CAST: variants seen among roughly 807,000 people sequenced by gnomAD.
The protein encoded by CAST is MIR583 host.
CAST carries 76 observed loss-of-function variants against 119.6 expected under a neutral mutation model. That is an observed-to-expected ratio of 0.64 (90% CI 0.53 to 0.77). CAST has a LOEUF of 0.77. Ranked by LOEUF, CAST falls within the 30% of genes least tolerant of loss-of-function variation. CAST has a pLI of 0.00. For synonymous variants in CAST, 319 were observed against 331.6 expected, an observed-to-expected ratio of 0.96 and a Z score of 0.41; for missense variants, 953 against 946.5, an observed-to-expected ratio of 1.01 and a Z score of -0.09.
the CAST span, among the ~76,000 whole-genome samples, chr5:96,231,496 AG>A: frequency 6.6e-6 from 1 of 152,092 alleles, no homozygotes; most frequent in Admixed American, 6.6e-5. Flanking sequence ...AGAAAAGAAT[AG>A]AAAGTGATTT....
At chr5:96,103,786 A>G in the CAST span, among the ~76,000 whole-genome samples, 1 of 151,986 alleles carries the variant, frequency 6.6e-6, no homozygotes, top group Non-Finnish European at 1.5e-5. Context: ...ACTGACTTCC[A>G]CAATGGTTGA....
intron 2 of CAST, among the ~76,000 whole-genome samples, chr5:96,692,193 T>A (rs1752804822): frequency 6.6e-6 from 1 of 152,194 alleles, no homozygotes; most frequent in Non-Finnish European, 1.5e-5. Context: ...TCTAGTGAGC[T>A]AAGAGATCTG....
At chr5:96,561,096 G>T (rs554664689) in intron 1 of CAST, among the ~76,000 whole-genome samples, 1 of 149,914 alleles carries the variant, frequency 6.7e-6, no homozygotes, top group East Asian at 2.0e-4. Context: ...GCAAACTATC[G>T]CAAGGACAAA....
At chr5:96,281,302 C>T in the CAST span, among the ~76,000 whole-genome samples, 61 of 152,206 alleles carry the variant, frequency 4.0e-4, no homozygotes, top group Middle Eastern at 6.8e-3. Flanking sequence ...TGACTTTAGG[C>T]GTGACTAGAT....
the CAST span, among the ~76,000 whole-genome samples, chr5:96,478,629 C>A: frequency 0.17 from 25,522 of 152,182 alleles, 2,352 homozygotes; most frequent in African/African-American, 0.25. Flanking sequence ...TATACACAGT[C>A]TTTAAGAAAC....
At chr5:96,067,453 C>A in the CAST span, among the ~76,000 whole-genome samples, 1 of 152,134 alleles carries the variant, frequency 6.6e-6, no homozygotes, top group Non-Finnish European at 1.5e-5. Context: ...ACATTTGTGG[C>A]AGACTTTTAA....
At chr5:96,086,629 C>T in the CAST span, among the ~76,000 whole-genome samples, 4 of 151,926 alleles carry the variant, frequency 2.6e-5, no homozygotes, top group African/African-American at 9.7e-5. Context: ...CTGTCCAAAG[C>T]CCTAAAAAAT....
chr5:96,104,283 G>T, the CAST span, among the ~76,000 whole-genome samples: 1 of 152,090 alleles, frequency 6.6e-6, no homozygotes, highest in South Asian at 2.1e-4. Context: ...CATTGCTTTT[G>T]GTGTTTTAGA....
At chr5:96,212,053 T>C in the CAST span, among the ~76,000 whole-genome samples, 2 of 152,222 alleles carry the variant, frequency 1.3e-5, no homozygotes, top group East Asian at 1.9e-4. Context: ...GTTTTGTCAA[T>C]GTAATTGATC....
At chr5:95,974,374 G>A in the CAST span, among the ~76,000 whole-genome samples, 1 of 152,114 alleles carries the variant, frequency 6.6e-6, no homozygotes. Context: ...TACTTTAACA[G>A]GTACGCTCCA....
At chr5:96,086,947 T>C in the CAST span, among the ~76,000 whole-genome samples, 3 of 152,262 alleles carry the variant, frequency 2.0e-5, no homozygotes, top group Non-Finnish European at 2.9e-5. Flanking sequence ...CTTTTTATTT[T>C]AGTAAACATT....
At chr5:96,460,171 T>A in the CAST span, among the ~76,000 whole-genome samples, 10 of 152,190 alleles carry the variant, frequency 6.6e-5, no homozygotes, top group Non-Finnish European at 1.3e-4. Context: ...GGAGTTTCAA[T>A]GTCCTGCATA....
Position 96,740,019 on chromosome 5 carries a change from G to A in CAST, c.799-19G>A, listed in dbSNP as rs969440644. Reference sequence around the variant, plus strand: ...GTAATTAATTATATAATATCCCTATGTGTATGATTTTGTTCCAGGATCCAA... The same window carrying A: ...GTAATTAATTATATAATATCCCTATATGTATGATTTTGTTCCAGGATCCAA... On this transcript the variant is annotated intron_variant, in intron 11 of 31. Coordinates refer to ENST00000675179, the MANE Select transcript of CAST (RefSeq NM_001750.7). The A allele has an allele frequency of 6.4e-6, 8 of 1,246,870 alleles. No homozygotes were observed. Among genetic ancestry groups the A allele is most frequent in the Non-Finnish European group, 9.3e-6 (8 of 859,090 alleles). 77.2% of individuals were successfully genotyped at this position (1,246,870 alleles called of 1,614,324 possible). A position where few individuals can be genotyped will look rare whatever the true frequency, so the allele number is the denominator to read the frequency against.
the CAST span, chr5:96,423,516 G>T: frequency 1.3e-6 from 2 of 1,533,808 alleles, no homozygotes; most frequent in South Asian, 2.2e-5. Flanking sequence ...GCTACAAAAT[G>T]GGCACTTCAG....
At chr5:96,633,282 A>G (rs1372969585) in intron 1 of CAST, among the ~76,000 whole-genome samples, 3 of 152,130 alleles carry the variant, frequency 2.0e-5, no homozygotes, top group East Asian at 1.9e-4. Flanking sequence ...TGGCCATTCT[A>G]TAGATCAATT....
the CAST span, among the ~76,000 whole-genome samples, chr5:96,365,772 T>TTA: frequency 6.6e-6 from 1 of 152,226 alleles, no homozygotes; most frequent in Non-Finnish European, 1.5e-5. Context: ...TCTTGACTCT[T>TTA]TATCCAATTT....
chr5:96,047,193 C>T, the CAST span, among the ~76,000 whole-genome samples: 2 of 152,166 alleles, frequency 1.3e-5, no homozygotes, highest in Non-Finnish European at 2.9e-5. Context: ...AAATATCTTG[C>T]AAGCTCACAG....
In CAST at chr5:96,662,923, G is replaced by C. The variant is rs767424520; in HGVS notation, c.75+426G>C. The C allele has an allele frequency of 1.2e-5, 7 of 590,126 alleles. No individual in the cohort carries two copies. In the South Asian group the frequency reaches 1.4e-4, roughly 12 times the overall value. 36.6% of individuals were successfully genotyped at this position (590,126 alleles called of 1,614,324 possible). On this transcript the variant is annotated intron_variant, in intron 1 of 31. Transcript: ENST00000675179. ...AGACGCAGAGCCTCTTCCCTAACCAGCCTCGAGCCAAATTGGGCGGGCGAG... is the reference window on the plus strand; with the variant it reads ...AGACGCAGAGCCTCTTCCCTAACCACCCTCGAGCCAAATTGGGCGGGCGAG...
the CAST span, among the ~76,000 whole-genome samples, chr5:96,318,224 ATGAAG>A: frequency 6.6e-6 from 1 of 152,236 alleles, no homozygotes; most frequent in Non-Finnish European, 1.5e-5. Flanking sequence ...TTGCTGGATG[ATGAAG>A]TGATCAATTT....
Sources: gnomAD v4.1 joint callset for allele counts (sites outside exome capture counted in the v4.1 genomes callset) on GRCh38, gnomAD v4.1.1 for gene constraint, MANE v1.5 for transcripts, NCBI Gene and HGNC (gene_info 2026-07-23, HGNC 2026-07-21) for gene names.